DYRK4: variants seen among roughly 807,000 people sequenced by gnomAD.
DYRK4 encodes the protein dual specificity tyrosine phosphorylation regulated kinase 4, also known as dual specificity tyrosine-phosphorylation-regulated kinase 4.
In DYRK4, 64 loss-of-function variants were observed where a neutral mutation model predicts 68.3. The ratio of observed to expected loss-of-function variants is 0.94; its 90% confidence interval spans 0.77 to 1.15. DYRK4 has a LOEUF of 1.15. Ranked by LOEUF, DYRK4 falls within the 50% of genes most tolerant of loss-of-function variation. The pLI, the probability that DYRK4 is intolerant of heterozygous loss-of-function variation, is 0.00. For synonymous variants in DYRK4, 274 were observed against 289.9 expected (o/e 0.95, Z 0.56); for missense variants, 740 against 764.7 (o/e 0.97, Z 0.38).
At chr12:4,612,510 C>G in intron 13 of DYRK4, 33 bp from the exon 14 acceptor site, 1 of 1,580,336 alleles carries the variant, frequency 6.3e-7, no homozygotes. Context: ...GGAAATAAAA[C>G]AATAACCCAT....
At chr12:4,572,868 G>C (rs556756136) in intron 2 of DYRK4, 3 of 162,230 alleles carry the variant, frequency 1.8e-5, no homozygotes, top group Admixed American at 1.8e-4. Flanking sequence ...TGCAAGAGAC[G>C]GGCTTATCAG....
chr12:4,610,661 C>T (rs1945209622), intron 13 of DYRK4: 1 of 157,260 alleles, frequency 6.4e-6, no homozygotes, highest in Non-Finnish European at 1.4e-5. Context: ...AAGCCAACCC[C>T]CTGACTGCTT....
intron 11 of DYRK4, 99 bp downstream of exon 11, chr12:4,605,185 C>G: frequency 9.6e-7 from 1 of 1,042,272 alleles, no homozygotes; most frequent in South Asian, 1.6e-5. Context: ...GCCTGCATAC[C>G]TTGTTGTTGT....
At chr12:4,575,090 T>G (rs1944773614) in intron 2 of DYRK4, among the ~76,000 whole-genome samples, 1 of 152,214 alleles carries the variant, frequency 6.6e-6, no homozygotes, top group East Asian at 1.9e-4. Context: ...TGTATAGGCA[T>G]TTCTAAGATG....
chr12:4,577,627 A>T (rs1020540848), intron 2 of DYRK4, among the ~76,000 whole-genome samples: 1 of 152,156 alleles, frequency 6.6e-6, no homozygotes, highest in Non-Finnish European at 1.5e-5. Context: ...TTCATTTTCC[A>T]CATGAATTTT....
At chr12:4,589,590 T>C (rs1227614081) in intron 3 of DYRK4, among the ~76,000 whole-genome samples, 3 of 152,272 alleles carry the variant, frequency 2.0e-5, no homozygotes, top group African/African-American at 7.2e-5. Flanking sequence ...TTTCTCTTTC[T>C]GTGCCTGGCT....
chr12:4,599,007 C>A (rs771084262), intron 8 of DYRK4, 21 bp from the exon 9 acceptor site: 2 of 1,613,726 alleles, frequency 1.2e-6, no homozygotes, highest in Non-Finnish European at 1.7e-6. Context: ...CCATATGCAT[C>A]ACTTTTCCCC....
At chr12:4,594,962 C>T (rs987692436) in intron 6 of DYRK4, among the ~76,000 whole-genome samples, 2 of 152,214 alleles carry the variant, frequency 1.3e-5, no homozygotes, top group Middle Eastern at 3.2e-3. Flanking sequence ...AGGAAGCTAT[C>T]ATAAATGAAT....
intron 1 of DYRK4, chr12:4,567,325 A>T (rs1944687632): frequency 6.6e-6 from 1 of 152,208 alleles, no homozygotes; most frequent in South Asian, 2.1e-4. Flanking sequence ...CCGAAAAGGG[A>T]CTTGCAAAGG....
chr12:4,569,337 G>C (rs979876545), intron 2 of DYRK4, among the ~76,000 whole-genome samples: 1 of 152,054 alleles, frequency 6.6e-6, no homozygotes, highest in African/African-American at 2.4e-5. Flanking sequence ...AATAAAGATG[G>C]CATTCTTTTC....
chr12:4,576,521 G>A (rs906614874), intron 2 of DYRK4, among the ~76,000 whole-genome samples: 4 of 152,146 alleles, frequency 2.6e-5, no homozygotes, highest in Non-Finnish European at 5.9e-5. Flanking sequence ...TAGTTCATTT[G>A]GGTGAACCAA....
chr12:4,596,993 G>C, intron 8 of DYRK4: 1 of 1,308,080 alleles, frequency 7.6e-7, no homozygotes, highest in Non-Finnish European at 9.7e-7. Flanking sequence ...CCAAAACAAG[G>C]CCTCTTTCCT....
chr12:4,565,573 T>C (rs1365028094), intron 1 of DYRK4, among the ~76,000 whole-genome samples: 2 of 152,124 alleles, frequency 1.3e-5, no homozygotes, highest in East Asian at 1.9e-4. Flanking sequence ...CCTCCAGCGC[T>C]GTCAGAGCTG....
At chr12:4,564,805 C>A (rs1944660537) in intron 1 of DYRK4, among the ~76,000 whole-genome samples, 1 of 152,130 alleles carries the variant, frequency 6.6e-6, no homozygotes, top group African/African-American at 2.4e-5. Context: ...AGTCACTGTC[C>A]TTACCCCAAA....
chr12:4,604,823 G>C, intron 10 of DYRK4, 91 bp from the exon 11 acceptor site: 1 of 1,417,982 alleles, frequency 7.1e-7, no homozygotes, highest in African/African-American at 1.5e-5. Context: ...GCCAGCGGGG[G>C]CGCAGTCTAA....
At position 4,591,199 on chromosome 12, in the gene DYRK4, A is replaced by G; in HGVS notation, c.364A>G (p.Lys122Glu). 6.2e-7 allele frequency: 1 copy of G among 1,614,174 alleles called. No individual in the cohort carries two copies. The highest frequency in any genetic ancestry group is 8.5e-7 in the Non-Finnish European group (1 of 1,180,018). Residue 122 changes from lysine to glutamate, a missense_variant, in exon 5 of 15, where the codon AAG (lysine) becomes GAG (glutamate). This residue lies in a region of DYRK4 where 56 missense variants were observed against 89.9 expected (regional missense o/e 0.62). Transcript: ENST00000543431. The surrounding 1 kb of genome is among the most constrained non-coding windows in gnomAD (Gnocchi z 4.1). The part of the protein sequence containing the change: ...AHNQMPASEL[K>E]ASEIPFHPSI... ...CAATCAGATGCCGGCCTCAGAGCTCAAGGCTTCAGAAATACCTTTCCACCC... is the reference window on the plus strand; with the variant it reads ...CAATCAGATGCCGGCCTCAGAGCTCGAGGCTTCAGAAATACCTTTCCACCC...
In DYRK4 at chr12:4,591,528, G is replaced by T. The variant is rs561881860; in HGVS notation, c.463+230G>T. On this transcript the variant is annotated intron_variant, in intron 5 of 14. Transcript: ENST00000543431. This position sits in a 1 kb window ranked among gnomAD's most constrained non-coding sequence, Gnocchi z 4.1. ...CCAAGGAGTGGCTCTGGGCAAGGGC[G>T]GGATGTACCAATGCAGACAGAAGGA... 5 of 540,222 alleles carry T rather than the reference G, an allele frequency of 9.3e-6. No homozygotes were observed. Among genetic ancestry groups the T allele is most frequent in the Non-Finnish European group, 1.6e-5 (5 of 316,236 alleles). The allele number at this position is 540,222 out of a possible 1,614,324, so 33.5% of individuals were successfully genotyped here.
rs1944959345 is a variant in DYRK4 at position 4,591,829 on chromosome 12, T to C, written c.463+531T>C. Reference sequence around the variant, plus strand: ...CCTTGGCTGTAGCTTCCTCCAGAGATTGCAATGCATTGGCTGTGCACCAGC... The same window carrying C: ...CCTTGGCTGTAGCTTCCTCCAGAGACTGCAATGCATTGGCTGTGCACCAGC... On this transcript the variant is annotated intron_variant, in intron 5 of 14. Coordinates refer to ENST00000543431, the MANE Select transcript of DYRK4 (RefSeq NM_001394779.1). This position sits in a 1 kb window ranked among gnomAD's most constrained non-coding sequence, Gnocchi z 4.1. The C allele has an allele frequency of 6.6e-6, 1 of 152,494 alleles. No homozygotes were observed. Among genetic ancestry groups the C allele is most frequent in the South Asian group, 2.1e-4 (1 of 4,834 alleles). 9.4% of individuals were successfully genotyped at this position (152,494 alleles called of 1,614,324 possible). A position where few individuals can be genotyped will look rare whatever the true frequency, so the allele number is the denominator to read the frequency against.
chr12:4,576,933 TA>T lies in DYRK4; in HGVS notation c.132+8886del, dbSNP rs149415713. Among the ~76,000 whole-genome samples, 1,303 of 152,356 alleles carry T rather than the reference TA, an allele frequency of 8.6e-3. 13 individuals are homozygous for T. The highest frequency in any genetic ancestry group is 0.029 in the African/African-American group (1,218 of 41,582). Reference sequence around the variant, plus strand: ...CCTTCTCAGATATGTGTTTTGCACATATTTTCTACCAGTCTATGGTTTCTCT... The same window carrying T: ...CCTTCTCAGATATGTGTTTTGCACATTTTTCTACCAGTCTATGGTTTCTCT... On this transcript the variant is annotated intron_variant, in intron 2 of 14. Transcript: ENST00000543431.
Sources: allele counts gnomAD v4.1 joint callset (sites outside exome capture counted in the v4.1 genomes callset), GRCh38; gene constraint gnomAD v4.1.1; regional missense constraint gnomAD v4.1.1; non-coding constraint Gnocchi (gnomAD v3.1); transcripts MANE v1.5; gene names NCBI Gene and HGNC (gene_info 2026-07-23, HGNC 2026-07-21).